The following BTAF1 variants were observed in gnomAD, a reference collection of about 807,000 sequenced individuals.
BTAF1 encodes TATA-binding protein-associated factor 172.
BTAF1 carries 38 observed loss-of-function variants against 227.1 expected under a neutral mutation model. The ratio of observed to expected loss-of-function variants is 0.17; its 90% confidence interval spans 0.13 to 0.22. The LOEUF (loss-of-function observed/expected upper bound fraction) is 0.22. Ranked by LOEUF, BTAF1 falls within the 10% of genes least tolerant of loss-of-function variation. BTAF1 has a pLI of 1.00. For synonymous variants in BTAF1, 742 were observed against 751.9 expected, an observed-to-expected ratio of 0.99 and a Z score of 0.21; for missense variants, 1,598 against 2,204.0, an observed-to-expected ratio of 0.73 and a Z score of 5.51.
At chr10:92,028,686 T>A in intron 37 of BTAF1, 104 bp from the exon 38 acceptor site, 1 of 1,148,314 alleles carries the variant, frequency 8.7e-7, no homozygotes, top group South Asian at 1.6e-5. Context: ...TACTCAATTC[T>A]GTTGAATAAT....
intron 35 of BTAF1, among the ~76,000 whole-genome samples, chr10:92,026,223 C>T (rs1481324077): frequency 6.6e-6 from 1 of 152,150 alleles, no homozygotes; most frequent in African/African-American, 2.4e-5. Flanking sequence ...CTTCTGTCGT[C>T]CCTGAATGAA....
intron 30 of BTAF1, among the ~76,000 whole-genome samples, chr10:92,011,963 A>G (rs1213637480): frequency 6.6e-6 from 1 of 151,878 alleles, no homozygotes; most frequent in Non-Finnish European, 1.5e-5. Flanking sequence ...TTTGGTGGGA[A>G]GACCTTGAAT....
At chr10:91,941,287 T>G (rs1180230411) in intron 3 of BTAF1, among the ~76,000 whole-genome samples, 1 of 152,234 alleles carries the variant, frequency 6.6e-6, no homozygotes, top group Non-Finnish European at 1.5e-5. Context: ...AAGCTAGCAT[T>G]AAATTTTTAA....
At chr10:91,962,957 T>C (rs1274526495) in intron 12 of BTAF1, among the ~76,000 whole-genome samples, 1 of 152,052 alleles carries the variant, frequency 6.6e-6, no homozygotes, top group Admixed American at 6.6e-5. Context: ...TTTAGATATA[T>C]TGGATTTTTG....
chr10:92,015,990 TTTTTTC>T (rs2134140844), intron 32 of BTAF1, among the ~76,000 whole-genome samples: 1 of 152,266 alleles, frequency 6.6e-6, no homozygotes, highest in East Asian at 1.9e-4. Flanking sequence ...AAGAGTTTCT[TTTTTTC>T]TTTTTTAAGA....
chr10:91,937,481 C>T (rs941012168), intron 2 of BTAF1, among the ~76,000 whole-genome samples: 1 of 152,074 alleles, frequency 6.6e-6, no homozygotes, highest in African/African-American at 2.4e-5. Context: ...TCACTCATGC[C>T]CAGATCCTCG....
chr10:91,961,366 C>T (rs1302781436), intron 11 of BTAF1, among the ~76,000 whole-genome samples: 1 of 152,158 alleles, frequency 6.6e-6, no homozygotes, highest in Admixed American at 6.5e-5. Context: ...CTTCTCTTCC[C>T]ATGCTCACTG....
intron 14 of BTAF1, among the ~76,000 whole-genome samples, chr10:91,969,648 A>G (rs1847154109): frequency 6.6e-6 from 1 of 152,120 alleles, no homozygotes; most frequent in African/African-American, 2.4e-5. Context: ...TTTTGCTATA[A>G]ATAAGATCCC....
chr10:91,988,245 T>C (rs1293995086), intron 19 of BTAF1, among the ~76,000 whole-genome samples: 1 of 152,222 alleles, frequency 6.6e-6, no homozygotes. Flanking sequence ...TAAGACATTA[T>C]ATCTTATTTA....
In BTAF1 at chr10:92,030,396, T is replaced by C. The variant is rs1042608056; in HGVS notation, c.*1463T>C. ...GCAAAAGATTATTCAGGTATACAGG[T>C]TTTTTTTCATTGTTTAGGATTTTAA... On this transcript the variant is annotated 3_prime_UTR_variant, in exon 38 of 38. Coordinates refer to ENST00000265990, the MANE Select transcript of BTAF1 (RefSeq NM_003972.3). 6.6e-6 allele frequency: 1 copy of C among 152,262 alleles called. No homozygotes were observed. The highest frequency in any genetic ancestry group is 6.5e-5 in the Admixed American group (1 of 15,268). 9.4% of individuals were successfully genotyped at this position (152,262 alleles called of 1,614,324 possible). A position where few individuals can be genotyped will look rare whatever the true frequency, so the allele number is the denominator to read the frequency against.
chr10:91,946,506 CAG>C (rs1478390551), intron 4 of BTAF1, among the ~76,000 whole-genome samples: 7 of 152,202 alleles, frequency 4.6e-5, no homozygotes, highest in Non-Finnish European at 1.0e-4. Flanking sequence ...GAGAAACTGC[CAG>C]AGTTTTCCAA....
chr10:91,956,282 G>A (rs752958852), intron 6 of BTAF1, among the ~76,000 whole-genome samples: 20 of 151,986 alleles, frequency 1.3e-4, no homozygotes, highest in Non-Finnish European at 2.5e-4. Flanking sequence ...GATCCAATTT[G>A]AAAAAAAGAA....
At chr10:91,965,451 A>G (rs187299299) in intron 13 of BTAF1, among the ~76,000 whole-genome samples, 159 of 152,340 alleles carry the variant, frequency 1.0e-3, no homozygotes, top group African/African-American at 3.6e-3. Flanking sequence ...CTGTGTACAC[A>G]TAAAACTTCT....
intron 2 of BTAF1, among the ~76,000 whole-genome samples, chr10:91,938,894 AT>A (rs975332052): frequency 4.1e-5 from 6 of 145,788 alleles, no homozygotes; most frequent in Admixed American, 2.8e-4. Context: ...AGTCTACTAA[AT>A]TTTTTTTTCA....
intron 1 of BTAF1, among the ~76,000 whole-genome samples, chr10:91,934,328 G>A (rs1431068297): frequency 6.6e-6 from 1 of 151,726 alleles, no homozygotes; most frequent in Admixed American, 6.6e-5. Context: ...TCTGCCTCCC[G>A]GATTCAGAAG....
At chr10:92,021,159 A>G (rs1851093710) in intron 34 of BTAF1, among the ~76,000 whole-genome samples, 2 of 152,234 alleles carry the variant, frequency 1.3e-5, no homozygotes, top group African/African-American at 4.8e-5. Context: ...CTTGCTTTCT[A>G]AAAATCTGTT....
intron 7 of BTAF1, 55 bp downstream of exon 7, chr10:91,956,712 A>G: frequency 6.4e-7 from 1 of 1,566,722 alleles, no homozygotes; most frequent in Non-Finnish European, 8.6e-7. Flanking sequence ...TCTTTGGGCC[A>G]GCAGCGGTGG....
At chr10:91,931,138 G>T (rs1844250460) in intron 1 of BTAF1, among the ~76,000 whole-genome samples, 1 of 152,246 alleles carries the variant, frequency 6.6e-6, no homozygotes, top group East Asian at 1.9e-4. Context: ...CAAACATCTG[G>T]AGAGGAGAGG....
At position 91,932,405 on chromosome 10, in the gene BTAF1, GA is replaced by G. The variant is rs370889328; in HGVS notation, c.15-3243del. ...TAAGGATGTTTCTCAAAGGAAGCAG[GA>G]AAAAAAAAGGTAATATAAAATATTT... On this transcript the variant is annotated intron_variant, in intron 1 of 37. Coordinates refer to ENST00000265990, the MANE Select transcript of BTAF1 (RefSeq NM_003972.3). Among the ~76,000 whole-genome samples the G allele has an allele frequency of 7.1e-3, 1,062 of 150,094 alleles. 12 individuals carry two copies. Among genetic ancestry groups the G allele is most frequent in the African/African-American group, 0.024 (996 of 40,994 alleles).
Sources: allele counts gnomAD v4.1 joint callset (sites outside exome capture counted in the v4.1 genomes callset), GRCh38; gene constraint gnomAD v4.1.1; transcripts MANE v1.5; gene names NCBI Gene and HGNC (gene_info 2026-07-23, HGNC 2026-07-21).